The following MAP2 variants were observed in gnomAD, a reference collection of about 807,000 sequenced individuals.
The protein encoded by MAP2 is microtubule-associated protein 2.
Under a neutral mutation model 137.6 loss-of-function variants are expected in MAP2, and 14 were observed. The ratio of observed to expected loss-of-function variants is 0.10; its 90% CI spans 0.07 to 0.16. The LOEUF is 0.16. Among genes scored for constraint, MAP2 ranks in the 10% least tolerant of loss-of-function variants. The pLI is 1.00. For synonymous variants in MAP2, 786 were observed against 782.3 expected (o/e 1.00, Z -0.08); for missense variants, 2,088 against 2,191.5 (o/e 0.95, Z 0.94).
intron 1 of MAP2, among the ~76,000 whole-genome samples, chr2:209,425,570 A>G (rs1290793541): frequency 6.6e-6 from 1 of 152,182 alleles, no homozygotes; most frequent in Non-Finnish European, 1.5e-5. Context: ...TTAAATGTTA[A>G]AGGTATAATT....
At chr2:209,536,328 G>T (rs2065938162) in intron 2 of MAP2, among the ~76,000 whole-genome samples, 1 of 152,216 alleles carries the variant, frequency 6.6e-6, no homozygotes, top group South Asian at 2.1e-4. Flanking sequence ...AGACTGTACA[G>T]ATTTATCTCT....
At chr2:209,667,159 T>C (rs913202794) in intron 5 of MAP2, among the ~76,000 whole-genome samples, 32 of 152,098 alleles carry the variant, frequency 2.1e-4, no homozygotes, top group African/African-American at 7.5e-4. Context: ...ATAATGATTG[T>C]ATTAAAACCA....
chr2:209,598,208 T>C (rs2081887107), intron 3 of MAP2, among the ~76,000 whole-genome samples: 1 of 151,754 alleles, frequency 6.6e-6, no homozygotes, highest in Admixed American at 6.6e-5. Flanking sequence ...GGTTTCACCA[T>C]ATTGGCCAGG....
At chr2:209,707,826 G>A (rs150565119) in intron 12 of MAP2, among the ~76,000 whole-genome samples, 9 of 152,018 alleles carry the variant, frequency 5.9e-5, no homozygotes, top group Admixed American at 2.0e-4. Flanking sequence ...AAAGCTTAAC[G>A]TGTTTTCTAC....
At chr2:209,527,988 A>G (rs1046928117) in intron 2 of MAP2, among the ~76,000 whole-genome samples, 1 of 152,106 alleles carries the variant, frequency 6.6e-6, no homozygotes, top group Non-Finnish European at 1.5e-5. Flanking sequence ...ATATTATACG[A>G]AGTTCTCTCT....
intron 7 of MAP2, among the ~76,000 whole-genome samples, chr2:209,687,749 T>C (rs934990001): frequency 6.6e-6 from 1 of 152,180 alleles, no homozygotes; most frequent in Non-Finnish European, 1.5e-5. Context: ...GTGGGTCCTC[T>C]ACACAGGTTC....
At chr2:209,710,301 A>C (rs566723081) in intron 13 of MAP2, 47 bp downstream of exon 13, 1 of 1,431,710 alleles carries the variant, frequency 7.0e-7, no homozygotes, top group South Asian at 1.3e-5. Context: ...TAATTATTAC[A>C]TTGCCTTCTT....
At chr2:209,702,635 T>C (rs940415308) in intron 11 of MAP2, among the ~76,000 whole-genome samples, 2 of 152,168 alleles carry the variant, frequency 1.3e-5, no homozygotes, top group African/African-American at 4.8e-5. Context: ...TTCTGTTGTT[T>C]GTTTGTTTAG....
intron 2 of MAP2, among the ~76,000 whole-genome samples, chr2:209,529,550 C>T (rs2064773525): frequency 6.6e-6 from 1 of 152,070 alleles, no homozygotes; most frequent in Non-Finnish European, 1.5e-5. Flanking sequence ...GTCTGATTAT[C>T]ACAAATGTTA....
intron 1 of MAP2, among the ~76,000 whole-genome samples, chr2:209,438,292 G>T (rs1696867045): frequency 1.3e-5 from 2 of 151,546 alleles, no homozygotes; most frequent in South Asian, 2.1e-4. Context: ...TTAACCTTGA[G>T]AATATTATTT....
At chr2:209,520,159 T>G (rs143185228) in intron 2 of MAP2, among the ~76,000 whole-genome samples, 104 of 152,150 alleles carry the variant, frequency 6.8e-4, no homozygotes, top group African/African-American at 2.4e-3. Context: ...CCCTAATTAC[T>G]GCAATTATGA....
intron 1 of MAP2, among the ~76,000 whole-genome samples, chr2:209,451,838 T>C (rs1036088989): frequency 1.3e-5 from 2 of 152,192 alleles, no homozygotes; most frequent in African/African-American, 4.8e-5. Context: ...ACTTTATCTT[T>C]AGGTGCCAGC....
chr2:209,426,318 A>G (rs1692563935), intron 1 of MAP2, among the ~76,000 whole-genome samples: 1 of 152,096 alleles, frequency 6.6e-6, no homozygotes, highest in Admixed American at 6.5e-5. Context: ...CTTTTATAAA[A>G]TAATATTTTA....
intron 13 of MAP2, among the ~76,000 whole-genome samples, chr2:209,723,079 T>G (rs1369018169): frequency 1.3e-5 from 2 of 152,216 alleles, no homozygotes; most frequent in African/African-American, 4.8e-5. Context: ...AGAACTCTGA[T>G]GTAGAGCATT....
intron 3 of MAP2, among the ~76,000 whole-genome samples, chr2:209,617,623 A>G (rs1435896232): frequency 1.3e-5 from 2 of 152,122 alleles, no homozygotes; most frequent in Non-Finnish European, 2.9e-5. Flanking sequence ...TGGAAAGAAA[A>G]GGAGATCTGG....
At chr2:209,714,903 T>G (rs983037419) in intron 13 of MAP2, among the ~76,000 whole-genome samples, 3 of 152,206 alleles carry the variant, frequency 2.0e-5, no homozygotes, top group African/African-American at 7.2e-5. Context: ...TACCTTAGTC[T>G]TCTTTGTTTG....
chr2:209,513,234 C>A (rs2061987700), intron 2 of MAP2, among the ~76,000 whole-genome samples: 1 of 152,108 alleles, frequency 6.6e-6, no homozygotes, highest in Non-Finnish European at 1.5e-5. Flanking sequence ...CTTCCAGTAC[C>A]TTCTCAGGGA....
At chr2:209,676,346 C>G (rs1024229449) in intron 5 of MAP2, among the ~76,000 whole-genome samples, 1 of 151,258 alleles carries the variant, frequency 6.6e-6, no homozygotes, top group Non-Finnish European at 1.5e-5. Flanking sequence ...CACATGGACA[C>G]ATCAACATCA....
At chr2:209,542,700 T>C (rs2067269634) in intron 2 of MAP2, among the ~76,000 whole-genome samples, 1 of 152,260 alleles carries the variant, frequency 6.6e-6, no homozygotes. Flanking sequence ...ATGGCTTCTT[T>C]CCTTAAACCT....
Sources: allele counts gnomAD v4.1 joint callset (sites outside exome capture counted in the v4.1 genomes callset), GRCh38; gene constraint gnomAD v4.1.1; transcripts MANE v1.5; gene names NCBI Gene and HGNC (gene_info 2026-07-23, HGNC 2026-07-21).